The following VAV3 variants were observed in gnomAD, a reference collection of about 807,000 sequenced individuals.
The protein encoded by VAV3 is guanine nucleotide exchange factor VAV3.
In VAV3, 94 loss-of-function variants were observed where a neutral mutation model predicts 131.2. The observed-to-expected ratio is 0.72, with a 90% confidence interval of 0.61 to 0.85. VAV3 has a LOEUF of 0.85. Among genes scored for constraint, VAV3 ranks in the 40% least tolerant of loss-of-function variants. The probability of loss-of-function intolerance (pLI) is 0.00; values close to 1 mark genes in which losing one functional copy is unlikely to be tolerated. For synonymous variants in VAV3, 349 were observed against 342.0 expected (o/e 1.02, Z -0.22); for missense variants, 939 against 1,002.7 (o/e 0.94, Z 0.86).
intron 15 of VAV3, among the ~76,000 whole-genome samples, chr1:107,732,893 T>A (rs902626854): frequency 6.6e-6 from 1 of 152,172 alleles, no homozygotes; most frequent in African/African-American, 2.4e-5. Context: ...GCTCTGAGAA[T>A]GGACAGACTG....
At chr1:107,749,898 T>C (rs1448613016) in intron 13 of VAV3, among the ~76,000 whole-genome samples, 1 of 152,210 alleles carries the variant, frequency 6.6e-6, no homozygotes, top group African/African-American at 2.4e-5. Flanking sequence ...ATAAAGTTTG[T>C]TCATGAGCAA....
intron 2 of VAV3, chr1:107,785,529 G>A: frequency 7.8e-7 from 1 of 1,284,886 alleles, no homozygotes; most frequent in South Asian, 1.4e-5. Flanking sequence ...GAGCTTGGGG[G>A]TTCAAGAAGG....
chr1:107,732,272 C>T (rs1000417190), intron 15 of VAV3, among the ~76,000 whole-genome samples: 1 of 152,186 alleles, frequency 6.6e-6, no homozygotes, highest in Non-Finnish European at 1.5e-5. Flanking sequence ...GGAACAGCTC[C>T]GGTCTGCAGC....
intron 19 of VAV3, among the ~76,000 whole-genome samples, chr1:107,653,227 G>A (rs1267796245): frequency 3.3e-5 from 5 of 151,698 alleles, no homozygotes; most frequent in Middle Eastern, 3.2e-3. Flanking sequence ...CCATCATTTC[G>A]ATGTGCTGAT....
At chr1:107,876,237 C>T (rs1490400752) in intron 1 of VAV3, among the ~76,000 whole-genome samples, 1 of 152,086 alleles carries the variant, frequency 6.6e-6, no homozygotes, top group Non-Finnish European at 1.5e-5. Context: ...GTCAACACTG[C>T]CCATGGATTC....
At chr1:107,842,626 T>C (rs996035464) in intron 2 of VAV3, among the ~76,000 whole-genome samples, 6 of 152,236 alleles carry the variant, frequency 3.9e-5, no homozygotes, top group African/African-American at 1.4e-4. Context: ...GAGAGATAGC[T>C]CAATGAGATT....
In VAV3 at chr1:107,574,206, G is replaced by T. The variant is rs1649455345; in HGVS notation, c.2351-8C>A. ...GCACTTTTGGACTTAACACTGTCAA[G>T]AAATGACAAGCAATGACAGTAGGTT... On this transcript the variant is annotated splice_polypyrimidine_tract_variant and splice_region_variant and intron_variant, in intron 25 of 26. Coordinates refer to ENST00000370056, the MANE Select transcript of VAV3 (RefSeq NM_006113.5). The T allele has an allele frequency of 4.3e-6, 7 of 1,611,822 alleles. No homozygotes were observed. The highest frequency in any genetic ancestry group is 5.9e-6 in the Non-Finnish European group (7 of 1,179,276).
intron 2 of VAV3, among the ~76,000 whole-genome samples, chr1:107,831,373 C>T (rs1002092079): frequency 6.6e-6 from 1 of 152,032 alleles, no homozygotes; most frequent in East Asian, 1.9e-4. Context: ...AAAGAAAAGG[C>T]TATCAAAATT....
chr1:107,715,248 G>A (rs987754880), intron 15 of VAV3, among the ~76,000 whole-genome samples: 4 of 152,028 alleles, frequency 2.6e-5, no homozygotes, highest in African/African-American at 9.7e-5. Context: ...CTGAAGACAA[G>A]TGAGAACATA....
chr1:107,676,091 A>G (rs1449080831), intron 19 of VAV3, among the ~76,000 whole-genome samples: 2 of 152,198 alleles, frequency 1.3e-5, no homozygotes, highest in Non-Finnish European at 2.9e-5. Flanking sequence ...CTTGTTGCAC[A>G]CAATAATAGA....
chr1:107,953,271 T>G (rs936982055), intron 1 of VAV3, among the ~76,000 whole-genome samples: 1 of 152,194 alleles, frequency 6.6e-6, no homozygotes, highest in African/African-American at 2.4e-5. Context: ...TCCTGTCTCA[T>G]AGACATGAGG....
chr1:107,900,755 G>A (rs144721948), intron 1 of VAV3, among the ~76,000 whole-genome samples: 2 of 152,002 alleles, frequency 1.3e-5, no homozygotes, highest in South Asian at 2.1e-4. Flanking sequence ...TCAGTTAACC[G>A]AGGTTATTGC....
intron 1 of VAV3, among the ~76,000 whole-genome samples, chr1:107,941,528 G>C (rs571994018): frequency 1.3e-5 from 2 of 152,082 alleles, no homozygotes; most frequent in Non-Finnish European, 2.9e-5. Flanking sequence ...GGCCTGTGAC[G>C]AGCTACACCT....
intron 2 of VAV3, among the ~76,000 whole-genome samples, chr1:107,845,607 G>A (rs1014021324): frequency 2.0e-5 from 3 of 152,118 alleles, no homozygotes; most frequent in Admixed American, 6.5e-5. Flanking sequence ...GAACATAAAC[G>A]ACCTGATAAA....
chr1:107,655,231 A>G (rs1485391647), intron 19 of VAV3, among the ~76,000 whole-genome samples: 1 of 152,116 alleles, frequency 6.6e-6, no homozygotes, highest in African/African-American at 2.4e-5. Context: ...ATATAATACA[A>G]ATCTATAGTA....
chr1:107,954,834 A>G (rs1200793165), intron 1 of VAV3, among the ~76,000 whole-genome samples: 1 of 151,796 alleles, frequency 6.6e-6, no homozygotes, highest in Admixed American at 6.6e-5. Context: ...CCTCGCTGAC[A>G]AGAATTCAGT....
chr1:107,802,411 C>T (rs1166226801), intron 2 of VAV3, among the ~76,000 whole-genome samples: 12 of 151,894 alleles, frequency 7.9e-5, no homozygotes, highest in Non-Finnish European at 1.5e-5. Flanking sequence ...ATGGGCATCT[C>T]TTTTTCCAGA....
chr1:107,777,392 T>C (rs548488979), intron 3 of VAV3, 96 bp from the exon 4 acceptor site: 1 of 1,108,754 alleles, frequency 9.0e-7, no homozygotes, highest in East Asian at 2.4e-5. Flanking sequence ...AATATGTAAG[T>C]TGTCTGCTGC....
At chr1:107,788,740 T>G (rs1005485515) in intron 2 of VAV3, among the ~76,000 whole-genome samples, 1 of 152,148 alleles carries the variant, frequency 6.6e-6, no homozygotes, top group Non-Finnish European at 1.5e-5. Flanking sequence ...TCTGTTAGAG[T>G]GTGTTAAACT....
Sources: gnomAD v4.1 joint callset for allele counts (sites outside exome capture counted in the v4.1 genomes callset) on GRCh38, gnomAD v4.1.1 for gene constraint, MANE v1.5 for transcripts, NCBI Gene and HGNC (gene_info 2026-07-23, HGNC 2026-07-21) for gene names.